The following CEP83 variants were observed in gnomAD, a reference collection of about 807,000 sequenced individuals.
CEP83 encodes centrosomal protein of 83 kDa.
A neutral mutation model predicts 101.9 loss-of-function variants in CEP83; 70 were observed. The observed-to-expected ratio is 0.69, with a 90% CI of 0.57 to 0.84. CEP83 has a LOEUF of 0.84. Among genes scored for constraint, CEP83 ranks in the 40% least tolerant of loss-of-function variants. The pLI is 0.00. For missense variants in CEP83, 715 were observed against 787.2 expected, an observed-to-expected ratio of 0.91 and a Z score of 1.10; for synonymous variants, 264 against 267.9, an observed-to-expected ratio of 0.99 and a Z score of 0.14.
At chr12:94,365,909 G>A (rs758882988) in intron 11 of CEP83, among the ~76,000 whole-genome samples, 3 of 152,110 alleles carry the variant, frequency 2.0e-5, no homozygotes, top group Non-Finnish European at 4.4e-5. Context: ...GAACTAATCT[G>A]AAGCAGTTTC....
chr12:94,360,081 A>G (rs1359501025), intron 11 of CEP83, among the ~76,000 whole-genome samples: 2 of 152,200 alleles, frequency 1.3e-5, no homozygotes, highest in Non-Finnish European at 2.9e-5. Flanking sequence ...GCTTTCCTTC[A>G]TGACAAAAAC....
rs144575818 is a variant in CEP83, at chr12:94,449,370, G to A, written c.-155+10187C>T. 2.2e-3 allele frequency among the ~76,000 whole-genome samples: 334 copies of A among 152,188 alleles called. 1 individual carries two copies. The highest frequency in any genetic ancestry group is 7.4e-3 in the African/African-American group (309 of 41,540). ...TTTAAAGCAGTAAGAGCAAGATCAC[G>A]AGCAACCAACAGACTAATATCCCTC... On this transcript the variant is annotated intron_variant, in intron 1 of 16. Coordinates refer to ENST00000397809, the MANE Select transcript of CEP83 (RefSeq NM_016122.3).
At chr12:94,312,391 T>C (rs150012117) in intron 15 of CEP83, among the ~76,000 whole-genome samples, 66 of 152,308 alleles carry the variant, frequency 4.3e-4, no homozygotes, top group African/African-American at 1.4e-3. Context: ...TTCACTAAAT[T>C]AAAAAGATTT....
the CEP83 span, chr12:94,278,144 AC>A: frequency 2.9e-6 from 1 of 342,532 alleles, no homozygotes; most frequent in Non-Finnish European, 5.6e-6. Flanking sequence ...GCTCCTTAAA[AC>A]CAAAAAAAAC....
At chr12:94,377,610 T>C (rs2061618966) in intron 7 of CEP83, among the ~76,000 whole-genome samples, 1 of 152,244 alleles carries the variant, frequency 6.6e-6, no homozygotes, top group Admixed American at 6.5e-5. Context: ...CTTGCTGTCA[T>C]ACGCTTATTT....
the CEP83 span, among the ~76,000 whole-genome samples, chr12:94,278,599 G>C: frequency 6.6e-6 from 1 of 152,094 alleles, no homozygotes; most frequent in Non-Finnish European, 1.5e-5. Flanking sequence ...GTATGGGGTG[G>C]GGATCTCAGT....
chr12:94,328,646 C>T (rs1020316231), intron 14 of CEP83, among the ~76,000 whole-genome samples: 44 of 152,110 alleles, frequency 2.9e-4, no homozygotes, highest in Admixed American at 1.2e-3. Context: ...GAAGCATTAT[C>T]TTTAACTTGA....
At chr12:94,353,059 A>G (rs1021084602) in intron 11 of CEP83, among the ~76,000 whole-genome samples, 1 of 152,188 alleles carries the variant, frequency 6.6e-6, no homozygotes, top group African/African-American at 2.4e-5. Flanking sequence ...CTCAAACATC[A>G]AAAATCAAAT....
intron 14 of CEP83, among the ~76,000 whole-genome samples, chr12:94,328,674 G>A (rs752097584): frequency 1.3e-5 from 2 of 151,252 alleles, no homozygotes; most frequent in Non-Finnish European, 2.9e-5. Context: ...AAGGGTATGA[G>A]TTAAATTAAT....
chr12:94,357,068 C>T (rs1032965718), intron 11 of CEP83, among the ~76,000 whole-genome samples: 2 of 152,110 alleles, frequency 1.3e-5, no homozygotes, highest in African/African-American at 4.8e-5. Flanking sequence ...TTTTATAGCT[C>T]GGTTACAGGA....
At chr12:94,459,105 T>C (rs911777105) in intron 1 of CEP83, among the ~76,000 whole-genome samples, 15 of 152,266 alleles carry the variant, frequency 9.9e-5, no homozygotes, top group Admixed American at 7.8e-4. Flanking sequence ...CTAAAGGCTT[T>C]ACAAATACTT....
intron 11 of CEP83, among the ~76,000 whole-genome samples, chr12:94,354,029 C>T (rs937926194): frequency 6.6e-6 from 1 of 152,068 alleles, no homozygotes; most frequent in African/African-American, 2.4e-5. Flanking sequence ...AAGATAGACA[C>T]CAATGCAATA....
At chr12:94,403,774 AAC>A (rs1354558562) in intron 4 of CEP83, among the ~76,000 whole-genome samples, 9 of 152,150 alleles carry the variant, frequency 5.9e-5, no homozygotes, top group Non-Finnish European at 1.0e-4. Flanking sequence ...CATGTGGGAA[AAC>A]ACAGTCTTTA....
intron 2 of CEP83, among the ~76,000 whole-genome samples, chr12:94,417,851 G>C (rs969581082): frequency 5.3e-5 from 8 of 151,972 alleles, no homozygotes; most frequent in Non-Finnish European, 1.2e-4. Context: ...ATCATATCAA[G>C]AATGAAGATT....
intron 14 of CEP83, among the ~76,000 whole-genome samples, chr12:94,324,480 C>CT (rs1338283979): frequency 6.6e-6 from 1 of 152,076 alleles, no homozygotes; most frequent in African/African-American, 2.4e-5. Context: ...ATAGATATCC[C>CT]TTTTTTCATT....
At chr12:94,452,734 G>T (rs1407608351) in intron 1 of CEP83, among the ~76,000 whole-genome samples, 1 of 152,130 alleles carries the variant, frequency 6.6e-6, no homozygotes, top group African/African-American at 2.4e-5. Flanking sequence ...TATGACGGGG[G>T]ATGGGGAAGG....
intron 2 of CEP83, among the ~76,000 whole-genome samples, chr12:94,414,183 C>A (rs138519727): frequency 6.6e-6 from 1 of 152,180 alleles, no homozygotes; most frequent in Admixed American, 6.5e-5. Flanking sequence ...ATACAGAATG[C>A]GCTATCTGTA....
chr12:94,384,066 T>A (rs2061998051), intron 6 of CEP83, among the ~76,000 whole-genome samples: 1 of 152,184 alleles, frequency 6.6e-6, no homozygotes, highest in Non-Finnish European at 1.5e-5. Context: ...TCCTTCCTAA[T>A]ACTTTGAGAT....
chr12:94,360,803 T>C (rs899486599), intron 11 of CEP83, among the ~76,000 whole-genome samples: 1 of 152,082 alleles, frequency 6.6e-6, no homozygotes, highest in Non-Finnish European at 1.5e-5. Flanking sequence ...AGCAATCCTG[T>C]GTAAAAAGAA....
Sources: gnomAD v4.1 joint callset for allele counts (sites outside exome capture counted in the v4.1 genomes callset) on GRCh38, gnomAD v4.1.1 for gene constraint, MANE v1.5 for transcripts, NCBI Gene and HGNC (gene_info 2026-07-23, HGNC 2026-07-21) for gene names.